The following SLC44A5 variants were observed in gnomAD, a reference collection of about 807,000 sequenced individuals.
The protein encoded by SLC44A5 is solute carrier family 44 member 5.
SLC44A5 carries 57 observed loss-of-function variants against 101.8 expected under a neutral mutation model. The ratio of observed to expected loss-of-function variants is 0.56; its 90% CI spans 0.45 to 0.70. SLC44A5 has a LOEUF of 0.70. SLC44A5 is among the 30% of genes least tolerant of loss of function. The probability of loss-of-function intolerance (pLI) is 0.00; values close to 1 mark genes in which losing one functional copy is unlikely to be tolerated. For missense variants in SLC44A5, 737 were observed against 853.1 expected (o/e 0.86, Z 1.70); for synonymous variants, 281 against 290.9 (o/e 0.97, Z 0.35).
chr1:75,211,403 G>T, intron 23 of SLC44A5, 65 bp downstream of exon 23: 2 of 1,274,248 alleles, frequency 1.6e-6, no homozygotes, highest in African/African-American at 1.5e-5. Flanking sequence ...TAAGGACATG[G>T]GCCTTCACCA....
chr1:75,569,375 G>C (rs1031845270), intron 1 of SLC44A5, among the ~76,000 whole-genome samples: 1 of 151,456 alleles, frequency 6.6e-6, no homozygotes, highest in African/African-American at 2.4e-5. Context: ...CAAGTAGCTT[G>C]GGACTACAGG....
intron 13 of SLC44A5, 44 bp downstream of exon 13, chr1:75,227,682 C>T (rs771672292): frequency 6.8e-7 from 1 of 1,477,620 alleles, no homozygotes; most frequent in Non-Finnish European, 9.0e-7. Context: ...AAGATATTTT[C>T]TCATTATTAC....
intron 5 of SLC44A5, among the ~76,000 whole-genome samples, chr1:75,279,271 G>C (rs904188433): frequency 2.1e-4 from 32 of 151,974 alleles, no homozygotes; most frequent in African/African-American, 7.0e-4. Context: ...ACTTTTTTAA[G>C]TTTTTGTAAT....
chr1:75,457,890 C>T (rs946182051), intron 2 of SLC44A5, among the ~76,000 whole-genome samples: 47 of 150,948 alleles, frequency 3.1e-4, no homozygotes, highest in African/African-American at 1.1e-3. Flanking sequence ...GGTGGAACAA[C>T]GGAGGGAGAA....
the SLC44A5 span, among the ~76,000 whole-genome samples, chr1:75,702,531 T>C: frequency 5.3e-5 from 8 of 152,036 alleles, no homozygotes; most frequent in Admixed American, 1.3e-4. Flanking sequence ...AAGACTTAAA[T>C]GTTAGACCTA....
chr1:75,406,159 CAAG>C (rs1316985683), intron 2 of SLC44A5, among the ~76,000 whole-genome samples: 7 of 151,982 alleles, frequency 4.6e-5, no homozygotes, highest in African/African-American at 1.2e-4. Flanking sequence ...AAGACTAAAC[CAAG>C]AAGAAGTTAA....
At chr1:75,621,886 C>T in the SLC44A5 span, among the ~76,000 whole-genome samples, 1 of 152,072 alleles carries the variant, frequency 6.6e-6, no homozygotes, top group Admixed American at 6.6e-5. Context: ...GTTTCTGGCA[C>T]TTACAGACTC....
chr1:75,400,590 A>G (rs905969379), intron 2 of SLC44A5, among the ~76,000 whole-genome samples: 2 of 152,170 alleles, frequency 1.3e-5, no homozygotes, highest in African/African-American at 2.4e-5. Context: ...GAGTTGCTCT[A>G]GCATTCTTGT....
intron 2 of SLC44A5, among the ~76,000 whole-genome samples, chr1:75,496,569 C>A (rs1668682836): frequency 6.8e-6 from 1 of 148,138 alleles, no homozygotes. Flanking sequence ...TTTTTTTTTG[C>A]ATATGACATC....
chr1:75,687,835 A>G, the SLC44A5 span, among the ~76,000 whole-genome samples: 1 of 152,160 alleles, frequency 6.6e-6, no homozygotes, highest in African/African-American at 2.4e-5. Context: ...TCAAAGTCCT[A>G]TGGGCATTTG....
At chr1:75,686,624 A>C in the SLC44A5 span, among the ~76,000 whole-genome samples, 1 of 152,228 alleles carries the variant, frequency 6.6e-6, no homozygotes, top group Non-Finnish European at 1.5e-5. Flanking sequence ...TTTTGCTTTT[A>C]GTAAGGTGAG....
intron 1 of SLC44A5, among the ~76,000 whole-genome samples, chr1:75,560,596 T>C (rs991402991): frequency 1.3e-5 from 2 of 152,328 alleles, no homozygotes; most frequent in Middle Eastern, 3.4e-3. Flanking sequence ...ATGGGAATTA[T>C]ATAAAGCAGT....
intron 1 of SLC44A5, among the ~76,000 whole-genome samples, chr1:75,549,269 G>A (rs1242979968): frequency 6.6e-6 from 1 of 152,056 alleles, no homozygotes; most frequent in Non-Finnish European, 1.5e-5. Flanking sequence ...AAAATACTAA[G>A]GCTAGGACTG....
chr1:75,211,562 G>C lies in SLC44A5; in HGVS notation c.1963-10C>G. ...ACCCAAAAATGACTGTCTGTAAATG[G>C]ATGAAGAAGAGAACCAACATGTCAT... is the stretch of plus-strand genomic sequence containing the variant. On this transcript the variant is annotated splice_polypyrimidine_tract_variant and intron_variant, in intron 22 of 23. Coordinates refer to ENST00000370859, the MANE Select transcript of SLC44A5 (RefSeq NM_001130058.2). The C allele has an allele frequency of 7.6e-6, 12 of 1,585,676 alleles. No homozygotes were observed. The highest frequency in any genetic ancestry group is 1.0e-5 in the Non-Finnish European group (12 of 1,155,146).
At chr1:75,709,058 T>C in the SLC44A5 span, among the ~76,000 whole-genome samples, 1 of 152,210 alleles carries the variant, frequency 6.6e-6, no homozygotes, top group Non-Finnish European at 1.5e-5. Flanking sequence ...GAGTTGTTGC[T>C]GTGCTATGAT....
intron 2 of SLC44A5, among the ~76,000 whole-genome samples, chr1:75,476,718 C>T (rs996427212): frequency 2.0e-5 from 3 of 152,250 alleles, no homozygotes; most frequent in African/African-American, 7.2e-5. Flanking sequence ...CGCCATTACC[C>T]AGGCTTGCTT....
intron 2 of SLC44A5, among the ~76,000 whole-genome samples, chr1:75,406,887 G>A (rs547176471): frequency 2.3e-5 from 2 of 85,700 alleles, no homozygotes; most frequent in South Asian, 7.1e-4. Flanking sequence ...AGAAATAAAG[G>A]GTATTCAAAT....
intron 2 of SLC44A5, among the ~76,000 whole-genome samples, chr1:75,471,410 T>TAC (rs369567112): frequency 7.8e-4 from 111 of 142,720 alleles, no homozygotes; most frequent in Admixed American, 1.5e-3. Context: ...CACACACACG[T>TAC]ACACACACAC....
chr1:75,718,520 C>T, the SLC44A5 span, among the ~76,000 whole-genome samples: 1 of 152,192 alleles, frequency 6.6e-6, no homozygotes, highest in Non-Finnish European at 1.5e-5. Context: ...ACCTAAAATA[C>T]ACATGCTGTC....
Sources: allele counts gnomAD v4.1 joint callset (sites outside exome capture counted in the v4.1 genomes callset), GRCh38; gene constraint gnomAD v4.1.1; transcripts MANE v1.5; gene names NCBI Gene and HGNC (gene_info 2026-07-23, HGNC 2026-07-21).